Variants in IPO11 observed in about 807,000 individuals in gnomAD.
The protein encoded by IPO11 is importin 11, also known as importin-11.
Under a neutral mutation model 143.2 loss-of-function variants are expected in IPO11, and 66 were observed. That is an observed-to-expected ratio of 0.46 (90% CI 0.38 to 0.57). IPO11 has a LOEUF of 0.57. Ranked by LOEUF, IPO11 falls within the 20% of genes least tolerant of loss-of-function variation. IPO11 has a pLI of 0.00. For synonymous variants in IPO11, 385 were observed against 377.8 expected (o/e 1.02, Z -0.22); for missense variants, 1,026 against 1,141.0 (o/e 0.90, Z 1.45).
intron 16 of IPO11, among the ~76,000 whole-genome samples, chr5:62,494,618 C>T (rs1741067321): frequency 6.6e-6 from 1 of 151,922 alleles, no homozygotes; most frequent in Admixed American, 6.6e-5. Context: ...CTCTTCATTG[C>T]TTTTTCCCCC....
At position 62,483,108 on chromosome 5, in the gene IPO11, ACTT is replaced by A. The variant is rs1257911837; in HGVS notation, c.840_842del (p.Phe280del). On this transcript the variant is annotated inframe_deletion, in exon 10 of 30. Transcript: ENST00000325324. The stretch of plus-strand genomic sequence containing the variant: ...TTATTTATTTTTCTACAGCTTTTGG[ACTT>A]CTTGGATCAGCATCCTTTTTCATTT... The A allele has an allele frequency of 6.3e-7, 1 of 1,576,222 alleles. No homozygotes were observed. The highest frequency in any genetic ancestry group is 1.4e-5 in the African/African-American group (1 of 73,524).
chr5:62,472,943 G>C (rs1234304673), intron 7 of IPO11, among the ~76,000 whole-genome samples: 1 of 152,118 alleles, frequency 6.6e-6, no homozygotes, highest in East Asian at 1.9e-4. Context: ...TTTTAAAATC[G>C]ATGGCCTTTA....
chr5:62,607,226 T>C (rs1745755499), intron 29 of IPO11, among the ~76,000 whole-genome samples: 1 of 152,230 alleles, frequency 6.6e-6, no homozygotes. Flanking sequence ...AGAAGCTTTC[T>C]TTAGACTTGT....
At position 62,546,116 on chromosome 5, in the gene IPO11, A is replaced by G. The variant is rs190404113; in HGVS notation, c.2251-4251A>G. ...TTACTGGAGATATACCCAAAGGATT[A>G]TATATCATGCTGCTATAAAGACACA... On this transcript the variant is annotated intron_variant, in intron 24 of 29. Transcript: ENST00000325324. Among the ~76,000 whole-genome samples the G allele has an allele frequency of 8.4e-4, 128 of 152,350 alleles. 3 individuals are homozygous for G. The highest frequency in any genetic ancestry group is 3.0e-3 in the African/African-American group (124 of 41,584).
chr5:62,416,715 CTT>C (rs11295932), intron 1 of IPO11, among the ~76,000 whole-genome samples: 70 of 144,148 alleles, frequency 4.9e-4, no homozygotes, highest in East Asian at 1.2e-3. Flanking sequence ...CTCTTATTAT[CTT>C]TTTTTTTTTT....
chr5:62,444,667 G>C (rs1023934728), intron 3 of IPO11, among the ~76,000 whole-genome samples: 2 of 151,816 alleles, frequency 1.3e-5, no homozygotes, highest in South Asian at 2.1e-4. Flanking sequence ...TCAGGAGTTC[G>C]AGACCAGCCT....
rs1206866273 is a variant in IPO11 at position 62,450,131 on chromosome 5, A to G, written c.312+132A>G. On this transcript the variant is annotated intron_variant, in intron 4 of 29. Coordinates refer to ENST00000325324, the MANE Select transcript of IPO11 (RefSeq NM_016338.5). ...ATTTTCATTTGTGATGTTTTTATCT[A>G]TTTTTAAATTTTGAGATCTATTTGT... 17 of 534,188 alleles carry G rather than the reference A, an allele frequency of 3.2e-5. No individual in the cohort carries two copies. In the Middle Eastern group the frequency reaches 1.0e-3, roughly 33 times the overall value. 33.1% of individuals were successfully genotyped at this position (534,188 alleles called of 1,614,324 possible).
At chr5:62,539,530 A>G (rs1021717037) in intron 24 of IPO11, among the ~76,000 whole-genome samples, 1 of 152,208 alleles carries the variant, frequency 6.6e-6, no homozygotes, top group Non-Finnish European at 1.5e-5. Context: ...GGGGTTTACT[A>G]AAGGGTGAGA....
chr5:62,592,242 T>C (rs974713524), intron 28 of IPO11, among the ~76,000 whole-genome samples: 62 of 152,206 alleles, frequency 4.1e-4, no homozygotes, highest in Non-Finnish European at 1.9e-4. Context: ...ATTTCAAATA[T>C]ATTTTAGTCT....
In IPO11 at chr5:62,449,225, C is replaced by A. The variant is rs56859016; in HGVS notation, c.240-702C>A. 2.0e-3 allele frequency among the ~76,000 whole-genome samples: 298 copies of A among 152,302 alleles called. 1 individual carries two copies. Among genetic ancestry groups the A allele is most frequent in the African/African-American group, 6.5e-3 (272 of 41,558 alleles). On this transcript the variant is annotated intron_variant, in intron 3 of 29. Transcript: ENST00000325324. Reference sequence around the variant, plus strand: ...TTAATTTTAAAATTAACAACACATTCATACGTATGTATTCAACATGTATAC... The same window carrying A: ...TTAATTTTAAAATTAACAACACATTAATACGTATGTATTCAACATGTATAC...
intron 29 of IPO11, among the ~76,000 whole-genome samples, chr5:62,608,406 T>G (rs1378528589): frequency 2.0e-5 from 3 of 152,260 alleles, no homozygotes; most frequent in Non-Finnish European, 4.4e-5. Context: ...ACATGTTCTT[T>G]TGGTATATAA....
In IPO11 at chr5:62,627,499, C is replaced by G; in HGVS notation, c.*181C>G. The G allele has an allele frequency of 2.0e-6, 1 of 506,320 alleles. No homozygotes were observed. The highest frequency in any genetic ancestry group is 3.3e-6 in the Non-Finnish European group (1 of 301,952). 31.4% of individuals were successfully genotyped at this position (506,320 alleles called of 1,614,324 possible). The stretch of plus-strand genomic sequence containing the variant: ...AATCCTGCATAACTAAAATCACAAA[C>G]CTATTCCTCAAAAGAATTTAATTTT... On this transcript the variant is annotated 3_prime_UTR_variant, in exon 30 of 30. Transcript: ENST00000325324.
At chr5:62,602,985 CTTTTCTTCCCCCAAAACAA>C (rs1561383063) in intron 29 of IPO11, among the ~76,000 whole-genome samples, 3 of 152,186 alleles carry the variant, frequency 2.0e-5, no homozygotes, top group Non-Finnish European at 4.4e-5. Context: ...AATATCATTA[CTTTTCTTCCCCCAAAACAA>C]TGTTTGTACA....
chr5:62,574,068 A>T (rs1259892498), intron 27 of IPO11, among the ~76,000 whole-genome samples: 1 of 152,220 alleles, frequency 6.6e-6, no homozygotes, highest in Non-Finnish European at 1.5e-5. Context: ...GCTATTTGTT[A>T]TATAAGTATT....
intron 29 of IPO11, among the ~76,000 whole-genome samples, chr5:62,616,328 A>G (rs1746132472): frequency 6.6e-6 from 1 of 152,208 alleles, no homozygotes; most frequent in African/African-American, 2.4e-5. Flanking sequence ...GCTAAGCACA[A>G]TCTCAAATCT....
chr5:62,617,198 C>T (rs1344831017), intron 29 of IPO11, among the ~76,000 whole-genome samples: 1 of 152,148 alleles, frequency 6.6e-6, no homozygotes, highest in Non-Finnish European at 1.5e-5. Context: ...ATTTCTCAGT[C>T]CCTGTAATAA....
intron 29 of IPO11, among the ~76,000 whole-genome samples, chr5:62,620,841 T>C (rs1746333132): frequency 6.6e-6 from 1 of 152,204 alleles, no homozygotes; most frequent in Non-Finnish European, 1.5e-5. Flanking sequence ...AAGCAGTCTT[T>C]CAGGTTAAAT....
chr5:62,610,332 GTAGA>G (rs1330752800), intron 29 of IPO11, among the ~76,000 whole-genome samples: 2 of 152,000 alleles, frequency 1.3e-5, no homozygotes, highest in African/African-American at 2.4e-5. Context: ...TACAAAGTTT[GTAGA>G]TAGATAATAG....
At chr5:62,499,569 CTTTTTTTTTTTTT>C (rs35545041) in intron 16 of IPO11, among the ~76,000 whole-genome samples, 1 of 100,104 alleles carries the variant, frequency 1.0e-5, no homozygotes, top group African/African-American at 3.8e-5. Context: ...CTTACTCTAA[CTTTTTTTTTTTTT>C]TTTTTTTTTT....
Sources: allele counts gnomAD v4.1 joint callset (sites outside exome capture counted in the v4.1 genomes callset), GRCh38; gene constraint gnomAD v4.1.1; transcripts MANE v1.5; gene names NCBI Gene and HGNC (gene_info 2026-07-23, HGNC 2026-07-21).